The following EHMT1 variants were observed in gnomAD, a reference collection of about 807,000 sequenced individuals.
EHMT1 encodes euchromatic histone lysine methyltransferase 1, also known as histone-lysine N-methyltransferase EHMT1.
Under a neutral mutation model 147.2 loss-of-function variants are expected in EHMT1, and 15 were observed. That is an observed-to-expected ratio of 0.10 (90% confidence interval 0.07 to 0.16). EHMT1 has a LOEUF of 0.16. Ranked by LOEUF, EHMT1 falls within the 10% of genes least tolerant of loss-of-function variation. The pLI, the probability that EHMT1 is intolerant of heterozygous loss-of-function variation, is 1.00. For missense variants in EHMT1, 1,587 were observed against 1,772.4 expected (o/e 0.90, Z 1.88); for synonymous variants, 795 against 709.6 (o/e 1.12, Z -1.91).
intron 10 of EHMT1, among the ~76,000 whole-genome samples, chr9:137,771,536 T>C (rs1238930132): frequency 6.6e-6 from 1 of 152,176 alleles, no homozygotes; most frequent in Admixed American, 6.5e-5. Context: ...CAAACACTTC[T>C]CTGTCTGCAC....
chr9:137,817,037 G>A, intron 23 of EHMT1: 1 of 272,840 alleles, frequency 3.7e-6, no homozygotes, highest in South Asian at 3.9e-5. Context: ...CCAGCCCTGA[G>A]GGGCCTGTGG....
At chr9:137,629,237 C>T (rs980091035) in intron 1 of EHMT1, among the ~76,000 whole-genome samples, 6 of 151,560 alleles carry the variant, frequency 4.0e-5, no homozygotes, top group African/African-American at 7.3e-5. Context: ...GGATTACAGG[C>T]GCCCACCACC....
chr9:137,678,596 C>T (rs992748407), intron 1 of EHMT1, among the ~76,000 whole-genome samples: 5 of 152,030 alleles, frequency 3.3e-5, no homozygotes, highest in Admixed American at 6.6e-5. Flanking sequence ...CTAGCTGATG[C>T]CTGAAATCAC....
intron 18 of EHMT1, among the ~76,000 whole-genome samples, chr9:137,806,918 G>A (rs1234551515): frequency 1.3e-5 from 2 of 152,186 alleles, no homozygotes; most frequent in Admixed American, 1.3e-4. Context: ...TGTGTATAAT[G>A]TGTCTTTTTT....
At chr9:137,687,671 C>T (rs2134744719) in intron 1 of EHMT1, among the ~76,000 whole-genome samples, 1 of 152,294 alleles carries the variant, frequency 6.6e-6, no homozygotes, top group South Asian at 2.1e-4. Flanking sequence ...TCCTACCCGT[C>T]ACGCGAGGAC....
chr9:137,663,503 TAAACTA>T lies in EHMT1; in HGVS notation c.21+44457_21+44462del, dbSNP rs1323832283. Among the ~76,000 whole-genome samples the T allele has an allele frequency of 2.0e-5, 3 of 152,192 alleles. 1 individual carries two copies. In the East Asian group the frequency reaches 5.8e-4, roughly 29 times the overall value. ...TCCACAGAAGAAAGAAAAAGAAACA[TAAACTA>T]AATAGTAAGAAAAGGTGCATATTGC... On this transcript the variant is annotated intron_variant, in intron 1 of 26. Coordinates refer to ENST00000460843, the MANE Select transcript of EHMT1 (RefSeq NM_024757.5).
intron 1 of EHMT1, chr9:137,637,702 G>A (rs536021235): frequency 6.6e-6 from 1 of 152,344 alleles, no homozygotes; most frequent in African/African-American, 2.4e-5. Flanking sequence ...GAATGAGTTG[G>A]GAAGTGTATT....
At chr9:137,677,394 TA>T (rs1203317059) in intron 1 of EHMT1, among the ~76,000 whole-genome samples, 1 of 152,048 alleles carries the variant, frequency 6.6e-6, no homozygotes, top group African/African-American at 2.4e-5. Flanking sequence ...CTCGTCCTCC[TA>T]AAGTGCTGGG....
At chr9:137,758,641 G>A (rs1250338639) in intron 9 of EHMT1, among the ~76,000 whole-genome samples, 1 of 152,150 alleles carries the variant, frequency 6.6e-6, no homozygotes, top group African/African-American at 2.4e-5. Flanking sequence ...AGCATGATGT[G>A]GAGGAAATGC....
At chr9:137,694,085 C>G (rs1469828094) in intron 1 of EHMT1, among the ~76,000 whole-genome samples, 3 of 85,906 alleles carry the variant, frequency 3.5e-5, no homozygotes, top group South Asian at 5.1e-4. Context: ...GCCGATACCC[C>G]CCACACAGTG....
At position 137,682,462 on chromosome 9, in the gene EHMT1, T is replaced by TCTTAGCCTGAACTAGCCTGAA. The variant is rs1028469030; in HGVS notation, c.22-28488_22-28487insTGAACTTAGCCTGAACTAGCC. On this transcript the variant is annotated intron_variant, in intron 1 of 26. Coordinates refer to ENST00000460843, the MANE Select transcript of EHMT1 (RefSeq NM_024757.5). ...ACTGAGAACTTTTATCTTTCTCAAA[T>TCTTAGCCTGAACTAGCCTGAA]CTTAGCCTGAACTAGCCAAGTTCAG... Among the ~76,000 whole-genome samples, 18 of 152,282 alleles carry TCTTAGCCTGAACTAGCCTGAA rather than the reference T, an allele frequency of 1.2e-4. No homozygotes were observed. The East Asian group carries it at 3.3e-3, about 28-fold the overall frequency.
At chr9:137,623,604 A>G (rs1362871151) in intron 1 of EHMT1, among the ~76,000 whole-genome samples, 3 of 151,898 alleles carry the variant, frequency 2.0e-5, no homozygotes, top group African/African-American at 7.3e-5. Context: ...TATTTTTGGT[A>G]GAGACGGGGT....
At position 137,800,779 on chromosome 9, in the gene EHMT1, A is replaced by AT. The variant is rs1300257747; in HGVS notation, c.2608-100dup. On this transcript the variant is annotated intron_variant, in intron 17 of 26. Coordinates refer to ENST00000460843, the MANE Select transcript of EHMT1 (RefSeq NM_024757.5). ...TGAGTGAGACGCCTGCACGAGGGGC[A>AT]TGGTACCTGGGAGGTGCAGAGACCT... 2.3e-5 allele frequency: 22 copies of AT among 976,248 alleles called. No individual in the cohort carries two copies. The African/African-American group carries it at 3.4e-4, about 15-fold the overall frequency. The allele number at this position is 976,248 out of a possible 1,614,324, so 60.5% of individuals were successfully genotyped here.
In EHMT1 at chr9:137,717,020, C is replaced by T. The variant is rs150135875; in HGVS notation, c.480C>T (p.Gly160=). The T allele has an allele frequency of 3.2e-3, 5,084 of 1,606,598 alleles. 13 individuals are homozygous for T. The highest frequency in any genetic ancestry group is 4.0e-3 in the Non-Finnish European group (4,744 of 1,175,342). The stretch of plus-strand genomic sequence containing the variant: ...CAAAAACCCTTCCTGGAGGGGCTGG[C>T]AAAGGCAGGACTCCAAGCGCTTTTC... ...HAAKTLPGGA[G]KGRTPSAFPQ... Residue 160 remains glycine, a synonymous_variant, in exon 3 of 27, where the codon GGC becomes GGT. Transcript: ENST00000460843.
In EHMT1 at chr9:137,716,960, C is replaced by T. The variant is rs1245353429; in HGVS notation, c.420C>T (p.Thr140=). 1.2e-6 allele frequency: 2 copies of T among 1,612,744 alleles called. No individual in the cohort carries two copies. The highest frequency in any genetic ancestry group is 4.5e-5 in the East Asian group (2 of 44,868). The change falls in exon 3 of 27, where the codon ACC becomes ACT. Residue 140 remains threonine, a synonymous_variant. Coordinates refer to ENST00000460843, the MANE Select transcript of EHMT1 (RefSeq NM_024757.5). ...TACAGGCACAGCCCTTGAGGACTACCAGCACTCTGGCCTCTTCGCTGCCTG... is the reference window on the plus strand; with the variant it reads ...TACAGGCACAGCCCTTGAGGACTACTAGCACTCTGGCCTCTTCGCTGCCTG... The part of the protein sequence containing the change: ...PALQAQPLRT[T]STLASSLPGH...
At chr9:137,662,342 C>T (rs1939168671) in intron 1 of EHMT1, among the ~76,000 whole-genome samples, 1 of 151,632 alleles carries the variant, frequency 6.6e-6, no homozygotes, top group Admixed American at 6.6e-5. Flanking sequence ...GGACTACAGG[C>T]ACATGCCACA....
chr9:137,662,158 A>T (rs1200687994), intron 1 of EHMT1, among the ~76,000 whole-genome samples: 2 of 152,030 alleles, frequency 1.3e-5, no homozygotes, highest in Non-Finnish European at 2.9e-5. Context: ...GTATATATAT[A>T]TTTTTTACAC....
At chr9:137,706,666 T>C (rs1288125290) in intron 1 of EHMT1, among the ~76,000 whole-genome samples, 1 of 151,904 alleles carries the variant, frequency 6.6e-6, no homozygotes, top group Admixed American at 6.6e-5. Context: ...TTTGTATTTT[T>C]AGTGGAGATG....
In EHMT1 at chr9:137,776,523, C is replaced by T. The variant is rs977050654; in HGVS notation, c.1792-95C>T. The T allele has an allele frequency of 1.2e-5, 16 of 1,289,358 alleles. No individual in the cohort carries two copies. The highest frequency in any genetic ancestry group is 5.0e-5 in the East Asian group (2 of 39,840). 79.9% of individuals were successfully genotyped at this position (1,289,358 alleles called of 1,614,324 possible). A position where few individuals can be genotyped will look rare whatever the true frequency, so the allele number is the denominator to read the frequency against. On this transcript the variant is annotated intron_variant, in intron 11 of 26. Transcript: ENST00000460843. The surrounding 1 kb of genome is among the most constrained non-coding windows in gnomAD (Gnocchi z 4.4). The stretch of plus-strand genomic sequence containing the variant: ...CCCATGGCTCACTCTGCAGACCGCC[C>T]GATGTGGGATGCGGTGCCAGTTTAG...
Sources: gnomAD v4.1 joint callset for allele counts (sites outside exome capture counted in the v4.1 genomes callset) on GRCh38, gnomAD v4.1.1 for gene constraint, Gnocchi (gnomAD v3.1) non-coding constraint, MANE v1.5 for transcripts, NCBI Gene and HGNC (gene_info 2026-07-23, HGNC 2026-07-21) for gene names.